MGST1: variants seen among roughly 807,000 people sequenced by gnomAD.
MGST1 encodes microsomal glutathione S-transferase 1, also known as glutathione S-transferase 12.
In MGST1, 5 loss-of-function variants were observed where a neutral mutation model predicts 8.9. The ratio of observed to expected loss-of-function variants is 0.56; its 90% CI spans 0.29 to 1.19. MGST1 has a LOEUF of 1.19. Among genes scored for constraint, MGST1 ranks in the 50% most tolerant of loss-of-function variants. The pLI is 0.08. For missense variants in MGST1, 182 were observed against 187.4 expected, an observed-to-expected ratio of 0.97 and a Z score of 0.17; for synonymous variants, 54 against 67.8, an observed-to-expected ratio of 0.80 and a Z score of 1.00.
chr12:16,529,576 C>T lies in MGST1; in HGVS notation n.483-59952C>T, dbSNP rs76045657. The stretch of plus-strand genomic sequence containing the variant: ...GAACTTCTTCAGGCAGGGGTCACAT[C>T]TTCCTTACTGATATAACCCCATCGC... On this transcript the variant is annotated intron_variant and non_coding_transcript_variant, in intron 4 of 4. Coordinates refer to the MGST1 transcript ENST00000538857. 1.0e-3 allele frequency among the ~76,000 whole-genome samples: 152 copies of T among 152,148 alleles called. 2 individuals are homozygous for T. In the East Asian group the frequency reaches 0.028, roughly 28 times the overall value.
rs116034487 is a variant in MGST1, at chr12:16,373,209, C to T, written c.222-2913C>T. On this transcript the variant is annotated intron_variant, in intron 3 of 3. Coordinates refer to the MGST1 transcript ENST00000535309. ...GTGGGAGCTTAAAAAGATAACCTCA[C>T]GGAGATAGGGAGTAAAATGGTGGTT... Among the ~76,000 whole-genome samples the T allele has an allele frequency of 2.8e-3, 423 of 151,344 alleles. 1 individual carries two copies. The highest frequency in any genetic ancestry group is 9.9e-3 in the African/African-American group (410 of 41,310).
At chr12:16,514,005 T>C (rs961733256) in intron 4 of MGST1, 33 of 429,808 alleles carry the variant, frequency 7.7e-5, no homozygotes, top group Non-Finnish European at 1.2e-4. Context: ...GTCTTCTTCT[T>C]CTGCATGCTT....
chr12:16,459,604 T>C (rs761867927), intron 4 of MGST1, among the ~76,000 whole-genome samples: 4 of 152,076 alleles, frequency 2.6e-5, no homozygotes, highest in Non-Finnish European at 5.9e-5. Flanking sequence ...TGAGTAACAA[T>C]GTCTAGTTCA....
chr12:16,438,406 G>A lies in MGST1; in HGVS notation n.1797G>A, dbSNP rs1365946997. 3 of 151,994 alleles carry A rather than the reference G, an allele frequency of 2.0e-5. No individual in the cohort carries two copies. In the East Asian group the frequency reaches 5.9e-4, roughly 30 times the overall value. 9.4% of individuals were successfully genotyped at this position (151,994 alleles called of 1,614,324 possible). A position where few individuals can be genotyped will look rare whatever the true frequency, so the allele number is the denominator to read the frequency against. On this transcript the variant is annotated non_coding_transcript_exon_variant, in exon 2 of 2. Transcript: ENST00000359720. ...TCCAACTAGACTCTATGGTGATGAA[G>A]CTCATAATTTGGGAGCTGAATCAGA...
intron 4 of MGST1, among the ~76,000 whole-genome samples, chr12:16,530,876 AAAGT>A (rs1455478742): frequency 4.6e-5 from 7 of 152,074 alleles, no homozygotes; most frequent in African/African-American, 1.4e-4. Flanking sequence ...AGCTTCACTA[AAAGT>A]AAGAGCATGG....
chr12:16,579,647 A>C (rs1943098563), intron 4 of MGST1, among the ~76,000 whole-genome samples: 1 of 152,198 alleles, frequency 6.6e-6, no homozygotes, highest in Non-Finnish European at 1.5e-5. Flanking sequence ...ACTCAGTAGG[A>C]AGGCTGAGGC....
At chr12:16,485,725 T>TA (rs1334667900) in intron 4 of MGST1, among the ~76,000 whole-genome samples, 1 of 152,162 alleles carries the variant, frequency 6.6e-6, no homozygotes, top group Non-Finnish European at 1.5e-5. Flanking sequence ...ATGATAAAGA[T>TA]AAAACACAAA....
intron 4 of MGST1, among the ~76,000 whole-genome samples, chr12:16,461,403 T>C (rs1273071065): frequency 6.6e-6 from 1 of 152,166 alleles, no homozygotes; most frequent in East Asian, 1.9e-4. Flanking sequence ...TTCCAAACAG[T>C]TTATCAGACG....
chr12:16,417,103 A>C (rs1940793512), intron 1 of MGST1, among the ~76,000 whole-genome samples: 2 of 152,190 alleles, frequency 1.3e-5, no homozygotes, highest in Non-Finnish European at 2.9e-5. Flanking sequence ...GTTCATTCTC[A>C]TGCTGCTATG....
At chr12:16,468,395 C>CTTA (rs79458487) in intron 4 of MGST1, among the ~76,000 whole-genome samples, 2 of 7,400 alleles carry the variant, frequency 2.7e-4, no homozygotes, top group East Asian at 0.045. Flanking sequence ...TGTATCGGGT[C>CTTA]TCGTTGTTGG....
At chr12:16,522,964 A>C (rs4140827) in intron 4 of MGST1, among the ~76,000 whole-genome samples, 34,504 of 151,982 alleles carry the variant, frequency 0.23, 5,101 homozygotes, top group Non-Finnish European at 0.32. Flanking sequence ...TCATTCTATA[A>C]ATTTTTATGA....
intron 4 of MGST1, among the ~76,000 whole-genome samples, chr12:16,518,807 C>T (rs73320895): frequency 0.011 from 1,703 of 152,284 alleles, 32 homozygotes; most frequent in African/African-American, 0.038. Flanking sequence ...TTGTGCTTCT[C>T]TCCAGAGCCT....
At chr12:16,383,097 G>A (rs560117601) in exon 1 of MGST1, 1 of 152,674 alleles carries the variant, frequency 6.5e-6, no homozygotes, top group South Asian at 2.1e-4. Context: ...CACTTCCTGG[G>A]TGAGGCGATG....
chr12:16,531,047 G>A (rs1438746667), intron 4 of MGST1, among the ~76,000 whole-genome samples: 1 of 148,290 alleles, frequency 6.7e-6, no homozygotes, highest in East Asian at 2.0e-4. Context: ...GCTTGGGAAA[G>A]AGAGGGAGAG....
intron 4 of MGST1, among the ~76,000 whole-genome samples, chr12:16,476,207 T>G (rs1941322125): frequency 1.3e-5 from 2 of 152,156 alleles, no homozygotes; most frequent in African/African-American, 4.8e-5. Context: ...ACTCCTCACA[T>G]CTTTAACATC....
chr12:16,499,995 C>A (rs1000386431), intron 4 of MGST1, among the ~76,000 whole-genome samples: 1 of 152,110 alleles, frequency 6.6e-6, no homozygotes, highest in South Asian at 2.1e-4. Flanking sequence ...TTTGGTGAGT[C>A]ATTTCTGATC....
chr12:16,433,704 T>A lies in MGST1; in HGVS notation n.779-3684T>A, dbSNP rs180794525. On this transcript the variant is annotated intron_variant and non_coding_transcript_variant, in intron 1 of 1. Coordinates refer to the MGST1 transcript ENST00000359720. Reference sequence around the variant, plus strand: ...ACATTCAGAATAATGTTTTACCAAATATCTGGGCATCCTATGGCTCCTTAA... The same window carrying A: ...ACATTCAGAATAATGTTTTACCAAAAATCTGGGCATCCTATGGCTCCTTAA... Among the ~76,000 whole-genome samples the A allele has an allele frequency of 2.6e-5, 4 of 152,214 alleles. No individual in the cohort carries two copies. In the East Asian group the frequency reaches 7.7e-4, roughly 29 times the overall value.
intron 1 of MGST1, among the ~76,000 whole-genome samples, chr12:16,423,373 G>T (rs1053952182): frequency 1.2e-4 from 19 of 152,110 alleles, no homozygotes; most frequent in Admixed American, 1.2e-3. Flanking sequence ...GCAAGTATTT[G>T]ATTTTAAAGT....
chr12:16,402,523 A>T (rs560010791), intron 1 of MGST1: 3 of 990,004 alleles, frequency 3.0e-6, no homozygotes, highest in Non-Finnish European at 3.1e-6. Flanking sequence ...TCTTGGTTAG[A>T]TTTATAATAA....
Sources: gnomAD v4.1 joint callset for allele counts (sites outside exome capture counted in the v4.1 genomes callset) on GRCh38, gnomAD v4.1.1 for gene constraint, MANE v1.5 for transcripts, NCBI Gene and HGNC (gene_info 2026-07-23, HGNC 2026-07-21) for gene names.